Variants in RAP1GDS1 observed in about 807,000 individuals in gnomAD.
RAP1GDS1 encodes the protein RAP1, GTP-GDP dissociation stimulator 1.
In RAP1GDS1, 35 loss-of-function variants were observed where a neutral mutation model predicts 71.1. The observed-to-expected ratio is 0.49, with a 90% CI of 0.38 to 0.65. RAP1GDS1 has a LOEUF of 0.65. RAP1GDS1 is among the 30% of genes least tolerant of loss of function. The pLI, the probability that RAP1GDS1 is intolerant of heterozygous loss-of-function variation, is 0.00. For missense variants in RAP1GDS1, 663 were observed against 706.1 expected, an observed-to-expected ratio of 0.94 and a Z score of 0.69; for synonymous variants, 229 against 243.1, an observed-to-expected ratio of 0.94 and a Z score of 0.54.
chr4:98,350,687 A>C (rs1307912960), intron 3 of RAP1GDS1, among the ~76,000 whole-genome samples: 2 of 152,112 alleles, frequency 1.3e-5, no homozygotes, highest in African/African-American at 4.8e-5. Context: ...AAAATACAAA[A>C]ATTAGCTGGC....
intron 4 of RAP1GDS1, among the ~76,000 whole-genome samples, chr4:98,367,356 G>T (rs2110457645): frequency 6.6e-6 from 1 of 152,362 alleles, no homozygotes; most frequent in Non-Finnish European, 1.5e-5. Context: ...TGGCCAGGCA[G>T]AAGTTTGCTT....
intron 6 of RAP1GDS1, among the ~76,000 whole-genome samples, chr4:98,395,261 TTTAA>T (rs1321042711): frequency 3.9e-5 from 6 of 152,170 alleles, no homozygotes; most frequent in South Asian, 2.1e-4. Flanking sequence ...GTCTCACAAG[TTTAA>T]TTAAAACATT....
intron 2 of RAP1GDS1, among the ~76,000 whole-genome samples, chr4:98,316,694 T>G (rs539604266): frequency 1.3e-5 from 2 of 152,248 alleles, no homozygotes; most frequent in Non-Finnish European, 2.9e-5. Flanking sequence ...GTCTCAGATA[T>G]TTTTGAGCTA....
At chr4:98,409,963 T>C (rs372466619) in intron 7 of RAP1GDS1, among the ~76,000 whole-genome samples, 2 of 152,092 alleles carry the variant, frequency 1.3e-5, no homozygotes, top group South Asian at 2.1e-4. Context: ...AATTGAGACA[T>C]TGGTTACTTT....
chr4:98,410,061 G>C (rs888720683), intron 7 of RAP1GDS1, among the ~76,000 whole-genome samples: 1 of 152,112 alleles, frequency 6.6e-6, no homozygotes. Context: ...TTGAGACCAG[G>C]AGTTCGAGAC....
chr4:98,298,293 G>A (rs1728072603), intron 2 of RAP1GDS1, among the ~76,000 whole-genome samples: 1 of 151,974 alleles, frequency 6.6e-6, no homozygotes, highest in South Asian at 2.1e-4. Context: ...TGAAGGAGGA[G>A]GCTGTGCTAA....
chr4:98,394,670 TTTATC>T (rs1405080551), intron 6 of RAP1GDS1, among the ~76,000 whole-genome samples: 2 of 152,090 alleles, frequency 1.3e-5, no homozygotes, highest in Non-Finnish European at 2.9e-5. Context: ...GGAAAATTCA[TTTATC>T]TAAGTTACGA....
In RAP1GDS1 at chr4:98,404,558, A is replaced by G. The variant is rs1425212118; in HGVS notation, c.719A>G (p.Lys240Arg). The G allele has an allele frequency of 6.2e-7, 1 of 1,605,988 alleles. No individual in the cohort carries two copies. The highest frequency in any genetic ancestry group is 1.3e-5 in the African/African-American group (1 of 74,536). Residue 240 changes from lysine to arginine, a missense_variant, in exon 7 of 15, where the codon AAG becomes AGG. Transcript: ENST00000408927. ...TTCAAGAAACAAATAGAACATGATA[A>G]GAGAGAAATGATTTTTGAAGTTCTT... ...KLFKKQIEHD[K>R]REMIFEVLAP...
chr4:98,277,569 T>G (rs1286643376), intron 1 of RAP1GDS1, among the ~76,000 whole-genome samples: 1 of 152,224 alleles, frequency 6.6e-6, no homozygotes, highest in African/African-American at 2.4e-5. Context: ...TTCTTCTGTC[T>G]TCTTAGTCAT....
chr4:98,440,899 G>A (rs1288177099), intron 14 of RAP1GDS1, among the ~76,000 whole-genome samples: 1 of 152,108 alleles, frequency 6.6e-6, no homozygotes, highest in Middle Eastern at 3.2e-3. Context: ...CTCCATGTTG[G>A]TCAGGCTGGT....
chr4:98,427,892 C>T (rs1313714030), intron 12 of RAP1GDS1, among the ~76,000 whole-genome samples: 1 of 152,052 alleles, frequency 6.6e-6, no homozygotes, highest in Non-Finnish European at 1.5e-5. Context: ...AAGAAAGAGC[C>T]TGCATAGCCA....
At chr4:98,290,621 A>C (rs1387128510) in intron 1 of RAP1GDS1, among the ~76,000 whole-genome samples, 1 of 152,112 alleles carries the variant, frequency 6.6e-6, no homozygotes, top group Non-Finnish European at 1.5e-5. Context: ...CTAAGATAAA[A>C]GAAAAAAAAG....
chr4:98,331,888 A>T lies in RAP1GDS1; in HGVS notation c.113-11251A>T, dbSNP rs1734067577. On this transcript the variant is annotated intron_variant, in intron 2 of 14. Transcript: ENST00000408927. ...GGTCACTGTGAAATCAGTCTTTTTT[A>T]TTATTATTATTTATTTTAACCAGAG... Among the ~76,000 whole-genome samples the T allele has an allele frequency of 2.0e-5, 3 of 152,302 alleles. No homozygotes were observed. In the South Asian group the frequency reaches 6.2e-4, roughly 32 times the overall value.
chr4:98,391,287 C>T (rs1459214820), intron 5 of RAP1GDS1, among the ~76,000 whole-genome samples: 3 of 152,090 alleles, frequency 2.0e-5, no homozygotes, highest in Non-Finnish European at 2.9e-5. Context: ...ACCTCATTCT[C>T]TTCACCTCTC....
chr4:98,300,605 T>C (rs991428076), intron 2 of RAP1GDS1, among the ~76,000 whole-genome samples: 2 of 152,192 alleles, frequency 1.3e-5, no homozygotes, highest in Admixed American at 1.3e-4. Flanking sequence ...TTCCCCATGT[T>C]GGCCAGGTTG....
chr4:98,433,676 A>G (rs1160830850), intron 12 of RAP1GDS1, among the ~76,000 whole-genome samples: 1 of 152,136 alleles, frequency 6.6e-6, no homozygotes. Context: ...TGGCTTTGGT[A>G]GCTTCTAAGC....
intron 2 of RAP1GDS1, among the ~76,000 whole-genome samples, chr4:98,326,221 T>C (rs1733057377): frequency 2.0e-5 from 3 of 152,156 alleles, no homozygotes; most frequent in Admixed American, 6.5e-5. Context: ...CCTCAAAATA[T>C]TTCATAGTTA....
chr4:98,269,028 G>A (rs1259586287), intron 1 of RAP1GDS1, among the ~76,000 whole-genome samples: 2 of 151,792 alleles, frequency 1.3e-5, no homozygotes, highest in East Asian at 1.9e-4. Context: ...CAAGGCCAGG[G>A]GCATCACACT....
At chr4:98,317,826 A>ATT (rs959290830) in intron 2 of RAP1GDS1, among the ~76,000 whole-genome samples, 1,608 of 142,958 alleles carry the variant, frequency 0.011, 17 homozygotes, top group African/African-American at 0.026. Flanking sequence ...ATATATATAT[A>ATT]TTTTTTTTTC....
Sources: gnomAD v4.1 joint callset for allele counts (sites outside exome capture counted in the v4.1 genomes callset) on GRCh38, gnomAD v4.1.1 for gene constraint, MANE v1.5 for transcripts, NCBI Gene and HGNC (gene_info 2026-07-23, HGNC 2026-07-21) for gene names.